Variants in MICAL2 observed in about 807,000 individuals in gnomAD.
MICAL2 encodes [F-actin]-monooxygenase MICAL2.
Under a neutral mutation model 127.3 loss-of-function variants are expected in MICAL2, and 77 were observed. The observed-to-expected ratio is 0.60, with a 90% CI of 0.50 to 0.73. MICAL2 has a LOEUF of 0.73. Among genes scored for constraint, MICAL2 ranks in the 30% least tolerant of loss-of-function variants. MICAL2 has a pLI of 0.00. For synonymous variants in MICAL2, 570 were observed against 551.1 expected, an observed-to-expected ratio of 1.03 and a Z score of -0.48; for missense variants, 1,351 against 1,434.4, an observed-to-expected ratio of 0.94 and a Z score of 0.94.
At chr11:12,260,210 G>A in intron 26 of MICAL2, 1 of 1,463,986 alleles carries the variant, frequency 6.8e-7, no homozygotes, top group South Asian at 1.4e-5. Flanking sequence ...ACATTTCCAG[G>A]GAGGCTTCAG....
rs577444384 is a variant in MICAL2 at position 12,242,149 on chromosome 11, C to T, written c.2338-65C>T. 97 of 1,365,876 alleles carry T rather than the reference C, an allele frequency of 7.1e-5. No homozygotes were observed. In the African/African-American group the frequency reaches 1.2e-3, roughly 17 times the overall value. The allele number at this position is 1,365,876 out of a possible 1,614,324, so 84.6% of individuals were successfully genotyped here. ...TGTCTCTGGTCTTCATGGGGGATCC[C>T]TCATGGTGAGGGTGTATGAAAGGGC... On this transcript the variant is annotated intron_variant, in intron 18 of 27. Coordinates refer to ENST00000683283, the MANE Select transcript of MICAL2 (RefSeq NM_001282663.2).
intron 2 of MICAL2, among the ~76,000 whole-genome samples, chr11:12,145,675 G>A (rs993042014): frequency 6.6e-6 from 1 of 152,170 alleles, no homozygotes; most frequent in African/African-American, 2.4e-5. Context: ...GGTAGGCTTC[G>A]AATAGCCATT....
At chr11:12,197,902 G>A (rs1860148523) in intron 3 of MICAL2, 1 of 152,164 alleles carries the variant, frequency 6.6e-6, no homozygotes, top group African/African-American at 2.4e-5. Flanking sequence ...TTTAGGGAAC[G>A]TACAAAGCAT....
chr11:12,233,697 C>A (rs1408570894), intron 15 of MICAL2, among the ~76,000 whole-genome samples: 2 of 151,940 alleles, frequency 1.3e-5, no homozygotes, highest in African/African-American at 4.8e-5. Flanking sequence ...ATTCTTAGGG[C>A]GGAAGAGCTG....
intron 2 of MICAL2, among the ~76,000 whole-genome samples, chr11:12,155,466 A>G (rs1418378450): frequency 6.6e-6 from 1 of 152,194 alleles, no homozygotes; most frequent in Non-Finnish European, 1.5e-5. Context: ...ATACACATAC[A>G]TGTACACATG....
rs1173022279 is a variant in MICAL2 at position 12,255,651 on chromosome 11, A to G, written c.2856A>G (p.Val952=). 3 of 1,614,006 alleles carry G rather than the reference A, an allele frequency of 1.9e-6. No homozygotes were observed. In the South Asian group the frequency reaches 3.3e-5, roughly 18 times the overall value. ...CCTCTGCTCTTGGTTAGCTGACGGT[A>G]GGGAAAGTGTCCAGCGGAATAGGGG... ...HLRTVHPQLT[V]GKVSSGIGAA... Residue 952 remains valine, a synonymous_variant, in exon 23 of 28, where the codon GTA becomes GTG. Transcript: ENST00000683283.
intron 10 of MICAL2, among the ~76,000 whole-genome samples, chr11:12,222,190 G>A (rs962290053): frequency 2.0e-4 from 30 of 152,228 alleles, no homozygotes; most frequent in Admixed American, 6.5e-4. Context: ...GACCCCTGCT[G>A]CTGGCCACGT....
intron 1 of MICAL2, among the ~76,000 whole-genome samples, chr11:12,115,938 G>C (rs1009263593): frequency 6.6e-6 from 1 of 150,456 alleles, no homozygotes. Context: ...AACATATCCC[G>C]ACTTTCTGAA....
At chr11:12,259,160 A>G (rs557289846) in intron 25 of MICAL2, among the ~76,000 whole-genome samples, 1 of 151,988 alleles carries the variant, frequency 6.6e-6, no homozygotes, top group East Asian at 1.9e-4. Context: ...AGGAAAGAAT[A>G]TAAAGAAACA....
intron 33 of MICAL2, chr11:12,354,685 A>G (rs1939104291): frequency 2.2e-6 from 2 of 902,810 alleles, no homozygotes; most frequent in Non-Finnish European, 3.4e-6. Context: ...AGTCTTAATT[A>G]GGAAAAAAGA....
At chr11:12,304,651 C>CATAT (rs200568927) in intron 29 of MICAL2, among the ~76,000 whole-genome samples, 1 of 143,812 alleles carries the variant, frequency 7.0e-6, no homozygotes, top group African/African-American at 2.6e-5. Context: ...CACACACACA[C>CATAT]ACACACACAC....
intron 1 of MICAL2, among the ~76,000 whole-genome samples, chr11:12,117,674 T>A (rs1850149178): frequency 1.3e-5 from 2 of 152,134 alleles, no homozygotes; most frequent in Admixed American, 6.5e-5. Context: ...CAACTGTTCA[T>A]CCAAAAGGAG....
chr11:12,240,498 T>C (rs1352584916), intron 17 of MICAL2, among the ~76,000 whole-genome samples: 1 of 152,172 alleles, frequency 6.6e-6, no homozygotes, highest in African/African-American at 2.4e-5. Flanking sequence ...GAACTGACCT[T>C]CTCCAGGAAG....
intron 2 of MICAL2, among the ~76,000 whole-genome samples, chr11:12,159,240 T>A (rs924115194): frequency 2.6e-5 from 4 of 152,132 alleles, no homozygotes; most frequent in Non-Finnish European, 2.9e-5. Flanking sequence ...GGGTGGCCAT[T>A]GATTGGGGTG....
chr11:12,155,510 G>A (rs73414215), intron 2 of MICAL2, among the ~76,000 whole-genome samples: 52 of 151,866 alleles, frequency 3.4e-4, no homozygotes, highest in African/African-American at 1.1e-3. Context: ...GTACACATAC[G>A]CATATACACA....
intron 3 of MICAL2, 137 bp from the exon 4 acceptor site, chr11:12,204,113 C>T: frequency 1.3e-6 from 1 of 774,860 alleles, no homozygotes; most frequent in Non-Finnish European, 2.1e-6. Flanking sequence ...ATGACAGGCC[C>T]TAACAGGTAC....
rs1250094704 is a variant in MICAL2 at position 12,234,718 on chromosome 11, GGATGATGAAGAGGACAAGA to G, written c.1996-1453_1996-1435del. Among the ~76,000 whole-genome samples the G allele has an allele frequency of 2.0e-5, 3 of 152,306 alleles. No individual in the cohort carries two copies. In the East Asian group the frequency reaches 5.8e-4, roughly 29 times the overall value. On this transcript the variant is annotated intron_variant, in intron 15 of 27. Coordinates refer to ENST00000683283, the MANE Select transcript of MICAL2 (RefSeq NM_001282663.2). Reference sequence around the variant, plus strand: ...CTGGTAAATATGGGGAGAGGGCAGGGGATGATGAAGAGGACAAGAGATGAGGATGCAGATGCTTTCCGTT... The same window carrying G: ...CTGGTAAATATGGGGAGAGGGCAGGGGATGAGGATGCAGATGCTTTCCGTT...
At chr11:12,200,658 G>A (rs1330893864) in intron 3 of MICAL2, among the ~76,000 whole-genome samples, 3 of 152,246 alleles carry the variant, frequency 2.0e-5, no homozygotes. Flanking sequence ...ATTACGGTAT[G>A]ACTGGCATCT....
chr11:12,208,291 T>TA, intron 5 of MICAL2, 152 bp downstream of exon 5: 1 of 569,640 alleles, frequency 1.8e-6, no homozygotes, highest in East Asian at 3.2e-5. Context: ...GTTTTTTTTT[T>TA]ACCATTGCTA....
Sources: gnomAD v4.1 joint callset for allele counts (sites outside exome capture counted in the v4.1 genomes callset) on GRCh38, gnomAD v4.1.1 for gene constraint, MANE v1.5 for transcripts, NCBI Gene and HGNC (gene_info 2026-07-23, HGNC 2026-07-21) for gene names.